TAFA1: variants seen among roughly 807,000 people sequenced by gnomAD.
The protein encoded by TAFA1 is TAFA chemokine like family member 1.
In TAFA1, 4 loss-of-function variants were observed where a neutral mutation model predicts 18.5. That is an observed-to-expected ratio of 0.22 (90% CI 0.11 to 0.49). The LOEUF is 0.49. Among genes scored for constraint, TAFA1 ranks in the 20% least tolerant of loss-of-function variants. The probability of loss-of-function intolerance (pLI) is 0.98; values close to 1 mark genes in which losing one functional copy is unlikely to be tolerated. For missense variants in TAFA1, 147 were observed against 169.0 expected (o/e 0.87, Z 0.72); for synonymous variants, 56 against 55.2 (o/e 1.01, Z -0.06).
At chr3:68,122,818 GTGTA>G (rs2065417252) in intron 2 of TAFA1, among the ~76,000 whole-genome samples, 1 of 151,450 alleles carries the variant, frequency 6.6e-6, no homozygotes, top group South Asian at 2.1e-4. Flanking sequence ...ATGTGTGTGT[GTGTA>G]TGTGTGTGTG....
In TAFA1 at chr3:68,529,780, C is replaced by T. The variant is rs568422462; in HGVS notation, c.260-8976C>T. ...TGGGAACTAAGAGGGTGAGAATTCA[C>T]TCACCCTCCCCTGTAGGGGAATTGA... On this transcript the variant is annotated intron_variant, in intron 3 of 4. Transcript: ENST00000478136. 4.6e-5 allele frequency among the ~76,000 whole-genome samples: 7 copies of T among 152,230 alleles called. No individual in the cohort carries two copies. The South Asian group carries it at 1.5e-3, about 32-fold the overall frequency.
chr3:68,267,701 G>T (rs369815216), intron 2 of TAFA1, among the ~76,000 whole-genome samples: 2 of 152,168 alleles, frequency 1.3e-5, no homozygotes, highest in South Asian at 4.2e-4. Context: ...TTAAGGGAAT[G>T]AAAAGATATA....
chr3:68,202,816 T>C (rs2066483448), intron 2 of TAFA1, among the ~76,000 whole-genome samples: 1 of 151,754 alleles, frequency 6.6e-6, no homozygotes, highest in Non-Finnish European at 1.5e-5. Flanking sequence ...GTTACTTTTA[T>C]TTTGAATAAA....
intron 2 of TAFA1, among the ~76,000 whole-genome samples, chr3:68,291,146 T>G (rs1003018087): frequency 6.6e-6 from 1 of 152,162 alleles, no homozygotes; most frequent in East Asian, 1.9e-4. Flanking sequence ...TTTTTGGATC[T>G]GACAGCAACA....
At chr3:68,088,108 A>T (rs895886416) in intron 2 of TAFA1, among the ~76,000 whole-genome samples, 2 of 152,194 alleles carry the variant, frequency 1.3e-5, no homozygotes, top group African/African-American at 4.8e-5. Context: ...GACAAGGTTA[A>T]CACAGCTGGC....
chr3:68,532,609 G>C (rs1312948503), intron 3 of TAFA1, among the ~76,000 whole-genome samples: 1 of 152,060 alleles, frequency 6.6e-6, no homozygotes, highest in African/African-American at 2.4e-5. Flanking sequence ...AAGTAGTTGG[G>C]GAGGGTGCAT....
chr3:68,317,489 A>C (rs1450408422), intron 2 of TAFA1, among the ~76,000 whole-genome samples: 1 of 152,176 alleles, frequency 6.6e-6, no homozygotes, highest in Non-Finnish European at 1.5e-5. Flanking sequence ...GCTGGCTCTT[A>C]AAATGCCTAT....
At chr3:68,173,492 C>G (rs1021225504) in intron 2 of TAFA1, among the ~76,000 whole-genome samples, 5 of 152,138 alleles carry the variant, frequency 3.3e-5, no homozygotes, top group Non-Finnish European at 7.4e-5. Flanking sequence ...GTCAGTGATA[C>G]AGCCACACAT....
At chr3:68,117,665 G>A (rs999589149) in intron 2 of TAFA1, among the ~76,000 whole-genome samples, 76 of 152,128 alleles carry the variant, frequency 5.0e-4, no homozygotes, top group African/African-American at 1.5e-3. Flanking sequence ...ATAGTTGATC[G>A]TAATTATATT....
rs150865047 is a variant in TAFA1, at chr3:68,132,885, T to A, written c.118+126141T>A. On this transcript the variant is annotated intron_variant, in intron 2 of 4. Transcript: ENST00000478136. Reference sequence around the variant, plus strand: ...TGCAAAGCTCTTTAGTTTAATTAGATCCCATTTGTCAATTTTGGCTTTTGT... The same window carrying A: ...TGCAAAGCTCTTTAGTTTAATTAGAACCCATTTGTCAATTTTGGCTTTTGT... Among the ~76,000 whole-genome samples the A allele has an allele frequency of 5.1e-3, 784 of 152,310 alleles. 34 individuals are homozygous for A. In the East Asian group the frequency reaches 0.1, roughly 20 times the overall value.
chr3:68,056,743 G>T (rs527474401), intron 2 of TAFA1, among the ~76,000 whole-genome samples: 4 of 152,254 alleles, frequency 2.6e-5, no homozygotes, highest in African/African-American at 9.6e-5. Context: ...CTCCTAGAGG[G>T]TTTTAAATTC....
intron 2 of TAFA1, among the ~76,000 whole-genome samples, chr3:68,173,171 C>T (rs1051130196): frequency 1.3e-5 from 2 of 151,816 alleles, no homozygotes; most frequent in African/African-American, 4.8e-5. Flanking sequence ...GATTCCAATT[C>T]CTACTCTGAA....
At chr3:67,998,171 A>G in the TAFA1 span, among the ~76,000 whole-genome samples, 9 of 152,224 alleles carry the variant, frequency 5.9e-5, no homozygotes. Context: ...TACTGGTAAC[A>G]TTTGTGTGAT....
chr3:68,225,113 T>C (rs554922636), intron 2 of TAFA1, among the ~76,000 whole-genome samples: 85 of 152,004 alleles, frequency 5.6e-4, no homozygotes, highest in Non-Finnish European at 8.4e-4. Context: ...TTTCACCATG[T>C]TGGCCAGGCT....
chr3:68,370,506 A>ATATATATATATATATATATATATG (rs1162156955), intron 2 of TAFA1, among the ~76,000 whole-genome samples: 2 of 75,106 alleles, frequency 2.7e-5, no homozygotes, highest in East Asian at 6.3e-4. Flanking sequence ...ATATATATAT[A>ATATATATATATATATATATATATG]TATATATATA....
At chr3:68,495,998 CAAAAAAAAA>C (rs199520960) in intron 3 of TAFA1, among the ~76,000 whole-genome samples, 12 of 107,570 alleles carry the variant, frequency 1.1e-4, no homozygotes, top group Middle Eastern at 5.4e-3. Flanking sequence ...TTCCCTGAAG[CAAAAAAAAA>C]AAAAAAAAAA....
At chr3:68,196,335 G>C (rs1206088793) in intron 2 of TAFA1, among the ~76,000 whole-genome samples, 1 of 151,692 alleles carries the variant, frequency 6.6e-6, no homozygotes, top group Non-Finnish European at 1.5e-5. Flanking sequence ...AACGGTCTCA[G>C]ATTTTCTAGA....
chr3:68,323,824 C>T (rs2106712235), intron 2 of TAFA1, among the ~76,000 whole-genome samples: 1 of 152,270 alleles, frequency 6.6e-6, no homozygotes, highest in Non-Finnish European at 1.5e-5. Context: ...GGAGTCCTCA[C>T]TTGTACACGA....
At chr3:68,476,076 G>A (rs1405097750) in intron 3 of TAFA1, among the ~76,000 whole-genome samples, 4 of 152,072 alleles carry the variant, frequency 2.6e-5, no homozygotes, top group Admixed American at 6.6e-5. Context: ...TGTCAGTTGA[G>A]TAGATTGCAA....
Sources: gnomAD v4.1 joint callset for allele counts (sites outside exome capture counted in the v4.1 genomes callset) on GRCh38, gnomAD v4.1.1 for gene constraint, MANE v1.5 for transcripts, NCBI Gene and HGNC (gene_info 2026-07-23, HGNC 2026-07-21) for gene names.